Variants in PCDH9 observed in about 807,000 individuals in gnomAD.
PCDH9 encodes the protein protocadherin 9.
In PCDH9, 24 loss-of-function variants were observed where a neutral mutation model predicts 70.6. The observed-to-expected ratio is 0.34, with a 90% CI of 0.25 to 0.48. The LOEUF is 0.48. PCDH9 is among the 20% of genes least tolerant of loss of function. PCDH9 has a pLI of 0.99. For missense variants in PCDH9, 1,281 were observed against 1,503.6 expected (o/e 0.85, Z 2.45); for synonymous variants, 562 against 558.5 (o/e 1.01, Z -0.09).
At chr13:66,418,319 ATG>A (rs1367629406) in intron 4 of PCDH9, among the ~76,000 whole-genome samples, 5 of 152,090 alleles carry the variant, frequency 3.3e-5, no homozygotes, top group African/African-American at 1.2e-4. Flanking sequence ...ATGGTGTTAG[ATG>A]TGTGTTATTT....
At chr13:67,136,308 A>G (rs2138343731) in intron 2 of PCDH9, among the ~76,000 whole-genome samples, 1 of 152,228 alleles carries the variant, frequency 6.6e-6, no homozygotes, top group African/African-American at 2.4e-5. Context: ...AGTGCACTCT[A>G]TGATGTTAAC....
intron 2 of PCDH9, among the ~76,000 whole-genome samples, chr13:66,917,912 C>G (rs1019834240): frequency 1.3e-5 from 2 of 151,290 alleles, no homozygotes; most frequent in African/African-American, 4.8e-5. Context: ...CATTCCCTCT[C>G]CCCTACAAAA....
intron 3 of PCDH9, among the ~76,000 whole-genome samples, chr13:66,794,997 A>ACACACG (rs1308363363): frequency 4.6e-5 from 7 of 151,918 alleles, no homozygotes; most frequent in Middle Eastern, 3.4e-3. Flanking sequence ...ACACACACAC[A>ACACACG]CACACAAATT....
intron 3 of PCDH9, among the ~76,000 whole-genome samples, chr13:66,740,120 C>G (rs879465697): frequency 1.4e-5 from 2 of 146,746 alleles, no homozygotes; most frequent in Non-Finnish European, 3.0e-5. Flanking sequence ...TGTAAAAGAA[C>G]AGAAATTATA....
chr13:66,350,209 C>T (rs1956272273), intron 4 of PCDH9, among the ~76,000 whole-genome samples: 1 of 152,186 alleles, frequency 6.6e-6, no homozygotes, highest in South Asian at 2.1e-4. Flanking sequence ...ACATAAAGCA[C>T]ATTCATTACC....
At chr13:67,140,555 A>G (rs1030413456) in intron 2 of PCDH9, among the ~76,000 whole-genome samples, 16 of 152,122 alleles carry the variant, frequency 1.1e-4, no homozygotes, top group African/African-American at 1.9e-4. Context: ...AGGGCCCTTA[A>G]TAATTACCTT....
intron 4 of PCDH9, among the ~76,000 whole-genome samples, chr13:66,518,012 G>A (rs1028938240): frequency 2.6e-5 from 4 of 152,026 alleles, no homozygotes; most frequent in Non-Finnish European, 5.9e-5. Context: ...AAATACCTGA[G>A]ATTGGGTAAT....
At chr13:66,715,005 A>G (rs1312171526) in intron 3 of PCDH9, among the ~76,000 whole-genome samples, 1 of 152,220 alleles carries the variant, frequency 6.6e-6, no homozygotes, top group Non-Finnish European at 1.5e-5. Context: ...TACTGGAGAC[A>G]GCATGAATAA....
At chr13:66,332,541 C>T (rs914276770) in intron 4 of PCDH9, among the ~76,000 whole-genome samples, 13 of 152,008 alleles carry the variant, frequency 8.6e-5, no homozygotes, top group Non-Finnish European at 2.9e-5. Context: ...AAACAAAGAC[C>T]TTTAAGGAAC....
chr13:67,153,944 A>G (rs1011019527), intron 2 of PCDH9, among the ~76,000 whole-genome samples: 13 of 152,174 alleles, frequency 8.5e-5, no homozygotes, highest in African/African-American at 3.1e-4. Context: ...AAAGACACAA[A>G]ATGAATATAC....
chr13:66,814,385 A>G (rs2080564544), intron 3 of PCDH9, among the ~76,000 whole-genome samples: 1 of 152,162 alleles, frequency 6.6e-6, no homozygotes, highest in African/African-American at 2.4e-5. Flanking sequence ...GTTTATGAGA[A>G]AAATGTACAG....
chr13:67,122,214 C>T lies in PCDH9; in HGVS notation c.3036+103191G>A, dbSNP rs567543471. Among the ~76,000 whole-genome samples the T allele has an allele frequency of 5.3e-5, 8 of 152,108 alleles. 1 individual carries two copies. In the South Asian group the frequency reaches 1.7e-3, roughly 32 times the overall value. Reference sequence around the variant, plus strand: ...AAACAATATCTTTTGAATGCCTATGCCTAGCCATGATTAAATATAAATCGT... The same window carrying T: ...AAACAATATCTTTTGAATGCCTATGTCTAGCCATGATTAAATATAAATCGT... On this transcript the variant is annotated intron_variant, in intron 2 of 4. Transcript: ENST00000377865.
At chr13:67,136,492 C>T (rs1409438888) in intron 2 of PCDH9, among the ~76,000 whole-genome samples, 5 of 152,070 alleles carry the variant, frequency 3.3e-5, no homozygotes, top group African/African-American at 1.2e-4. Flanking sequence ...GCAGGTGGTC[C>T]TTTGAGTTTG....
At chr13:66,628,094 G>C (rs2077522308) in intron 4 of PCDH9, among the ~76,000 whole-genome samples, 2 of 151,996 alleles carry the variant, frequency 1.3e-5, no homozygotes, top group Non-Finnish European at 2.9e-5. Flanking sequence ...GACCCGTATT[G>C]GTAAAAATTA....
intron 3 of PCDH9, among the ~76,000 whole-genome samples, chr13:66,730,681 C>CT (rs200246747): frequency 0.18 from 24,548 of 138,222 alleles, 2,734 homozygotes; most frequent in African/African-American, 0.31. Flanking sequence ...TATATATTTC[C>CT]TTTTTTTTTT....
At chr13:67,159,330 T>C (rs1292252383) in intron 2 of PCDH9, among the ~76,000 whole-genome samples, 1 of 151,698 alleles carries the variant, frequency 6.6e-6, no homozygotes, top group Non-Finnish European at 1.5e-5. Flanking sequence ...GAAACCACAG[T>C]GAGGAGGTTA....
intron 2 of PCDH9, among the ~76,000 whole-genome samples, chr13:67,174,470 T>C (rs531210289): frequency 6.6e-6 from 1 of 152,314 alleles, no homozygotes; most frequent in South Asian, 2.1e-4. Flanking sequence ...AAACACTGTT[T>C]ATAGCAAATT....
At chr13:66,776,816 C>T (rs930192249) in intron 3 of PCDH9, among the ~76,000 whole-genome samples, 5 of 141,958 alleles carry the variant, frequency 3.5e-5, no homozygotes, top group African/African-American at 7.7e-5. Context: ...GAGCCCGCAT[C>T]ACCAAGTCAA....
intron 4 of PCDH9, among the ~76,000 whole-genome samples, chr13:66,326,462 A>G (rs1474482431): frequency 6.7e-6 from 1 of 149,794 alleles, no homozygotes; most frequent in Non-Finnish European, 1.5e-5. Flanking sequence ...TCCGTCGCCC[A>G]GGCTGGAGTG....
Sources: allele counts gnomAD v4.1 joint callset (sites outside exome capture counted in the v4.1 genomes callset), GRCh38; gene constraint gnomAD v4.1.1; transcripts MANE v1.5; gene names NCBI Gene and HGNC (gene_info 2026-07-23, HGNC 2026-07-21).